Variants in ARVCF observed in about 807,000 individuals in gnomAD.
The protein encoded by ARVCF is splicing regulator ARVCF.
A neutral mutation model predicts 90.9 loss-of-function variants in ARVCF; 66 were observed. The ratio of observed to expected loss-of-function variants is 0.73; its 90% CI spans 0.60 to 0.89. ARVCF has a LOEUF of 0.89. Among genes scored for constraint, ARVCF ranks in the 40% least tolerant of loss-of-function variants. The probability of loss-of-function intolerance (pLI) is 0.00; values close to 1 mark genes in which losing one functional copy is unlikely to be tolerated. For synonymous variants in ARVCF, 653 were observed against 603.4 expected, an observed-to-expected ratio of 1.08 and a Z score of -1.21; for missense variants, 1,469 against 1,382.3, an observed-to-expected ratio of 1.06 and a Z score of -1.00.
chr22:19,975,507 C>T (rs1416062975), intron 11 of ARVCF, among the ~76,000 whole-genome samples, 179 bp downstream of exon 11: 21 of 152,230 alleles, frequency 1.4e-4, no homozygotes, highest in Non-Finnish European at 3.1e-4. Flanking sequence ...CCATTCTAAA[C>T]CCTCAGCAGG....
In ARVCF at chr22:19,979,200, G is replaced by T. The variant is rs983247246; in HGVS notation, c.1397-120C>A. 10 of 1,147,838 alleles carry T rather than the reference G, an allele frequency of 8.7e-6. No individual in the cohort carries two copies. The Admixed American group carries it at 2.6e-4, about 29-fold the overall frequency. The allele number at this position is 1,147,838 out of a possible 1,614,324, so 71.1% of individuals were successfully genotyped here. A position where few individuals can be genotyped will look rare whatever the true frequency, so the allele number is the denominator to read the frequency against. On this transcript the variant is annotated intron_variant, in intron 6 of 19. Coordinates refer to ENST00000263207, the MANE Select transcript of ARVCF (RefSeq NM_001670.3). ...TGTCCCAGCTCATGCAGAACAGTAG[G>T]AAGTAACAAAAGCCGTGAGTGGTTC...
At chr22:20,009,415 C>T (rs765305592) in intron 2 of ARVCF, among the ~76,000 whole-genome samples, 5 of 152,238 alleles carry the variant, frequency 3.3e-5, no homozygotes, top group Non-Finnish European at 7.3e-5. Flanking sequence ...CTCAGGCATC[C>T]GGAGGCCATG....
intron 7 of ARVCF, among the ~76,000 whole-genome samples, chr22:19,978,541 G>T (rs142363701): frequency 1.3e-5 from 2 of 152,160 alleles, no homozygotes; most frequent in African/African-American, 4.8e-5. Context: ...GCCTCCCAGG[G>T]GTAGGAGGGG....
At chr22:19,982,163 A>G in intron 3 of ARVCF, 72 bp from the exon 4 acceptor site, 1 of 1,568,790 alleles carries the variant, frequency 6.4e-7, no homozygotes, top group Non-Finnish European at 8.6e-7. Flanking sequence ...CTCCACACAC[A>G]GCAGCTCTGC....
chr22:19,989,144 C>T (rs949284888), intron 3 of ARVCF, among the ~76,000 whole-genome samples: 6 of 152,230 alleles, frequency 3.9e-5, no homozygotes, highest in Middle Eastern at 3.4e-3. Flanking sequence ...TCTGCTTCCC[C>T]GCCTCAAGTT....
At chr22:19,990,563 TC>T (rs1287790065) in intron 3 of ARVCF, 21 bp downstream of exon 3, 2 of 1,591,162 alleles carry the variant, frequency 1.3e-6, no homozygotes, top group Non-Finnish European at 8.6e-7. Flanking sequence ...TTTTCACCCT[TC>T]CCAAGTCACT....
At chr22:19,971,806 G>C in intron 18 of ARVCF, 80 bp downstream of exon 18, 1 of 1,489,182 alleles carries the variant, frequency 6.7e-7, no homozygotes, top group South Asian at 1.1e-5. Flanking sequence ...ACCAGACCCA[G>C]CATGGCCTAG....
intron 2 of ARVCF, among the ~76,000 whole-genome samples, chr22:20,003,585 T>C (rs1040933768): frequency 5.3e-5 from 8 of 152,152 alleles, no homozygotes; most frequent in African/African-American, 1.9e-4. Context: ...CAAAAATCAA[T>C]CAATGTAATA....
intron 2 of ARVCF, among the ~76,000 whole-genome samples, chr22:19,992,269 T>C (rs1335624689): frequency 6.6e-6 from 1 of 152,170 alleles, no homozygotes; most frequent in African/African-American, 2.4e-5. Context: ...AACACAACCT[T>C]TCGGGGAAGC....
intron 2 of ARVCF, among the ~76,000 whole-genome samples, chr22:19,994,637 A>G (rs1454923394): frequency 2.4e-5 from 1 of 41,754 alleles, no homozygotes; most frequent in Non-Finnish European, 4.2e-5. Flanking sequence ...GGGATGGTGG[A>G]GGATGAACAT....
At chr22:19,974,626 T>C (rs576273359) in intron 11 of ARVCF, among the ~76,000 whole-genome samples, 9 of 151,820 alleles carry the variant, frequency 5.9e-5, no homozygotes, top group South Asian at 2.1e-4. Flanking sequence ...AAGACCAGCA[T>C]TGGCCAGTAA....
chr22:19,975,334 C>G (rs1943091242), intron 11 of ARVCF, among the ~76,000 whole-genome samples: 1 of 152,214 alleles, frequency 6.6e-6, no homozygotes, highest in African/African-American at 2.4e-5. Context: ...TCCCAGCCCC[C>G]TCAGATAACT....
chr22:19,972,539 G>T, intron 16 of ARVCF, 128 bp from the exon 17 acceptor site: 1 of 1,281,870 alleles, frequency 7.8e-7, no homozygotes, highest in Non-Finnish European at 1.1e-6. Context: ...ACCTCTGCCA[G>T]CTGGCAGCCT....
downstream of ARVCF, among the ~76,000 whole-genome samples, chr22:19,966,308 G>T (rs901831652): frequency 2.0e-5 from 3 of 151,988 alleles, no homozygotes; most frequent in Non-Finnish European, 2.9e-5. Context: ...TCGGAGGCAC[G>T]AGGGGTGAGG....
intron 13 of ARVCF, 107 bp downstream of exon 13, chr22:19,973,536 C>T: frequency 6.7e-7 from 1 of 1,498,588 alleles, no homozygotes; most frequent in Non-Finnish European, 8.9e-7. Context: ...AGCGAGAGGG[C>T]CGGGGCCTGG....
chr22:19,987,388 C>A (rs1171460283), intron 3 of ARVCF, among the ~76,000 whole-genome samples: 2 of 147,312 alleles, frequency 1.4e-5, no homozygotes, highest in African/African-American at 5.0e-5. Context: ...CCACTTCCCA[C>A]CACCTCCCCC....
intron 5 of ARVCF, chr22:19,980,550 G>A: frequency 5.5e-6 from 2 of 363,986 alleles, no homozygotes; most frequent in Admixed American, 4.4e-5. Flanking sequence ...ACAAGTTTCT[G>A]TGAGACATCT....
intron 3 of ARVCF, among the ~76,000 whole-genome samples, chr22:19,988,672 C>T (rs1053346198): frequency 2.0e-5 from 3 of 152,236 alleles, no homozygotes; most frequent in Non-Finnish European, 4.4e-5. Context: ...TCCCAAAGCC[C>T]GGGCTCTGAC....
At chr22:19,993,427 G>T (rs959398619) in intron 2 of ARVCF, among the ~76,000 whole-genome samples, 6 of 152,236 alleles carry the variant, frequency 3.9e-5, no homozygotes, top group African/African-American at 2.4e-5. Context: ...TCTTAAGATC[G>T]ATGGGGCCTG....
Sources: gnomAD v4.1 joint callset for allele counts (sites outside exome capture counted in the v4.1 genomes callset) on GRCh38, gnomAD v4.1.1 for gene constraint, MANE v1.5 for transcripts, NCBI Gene and HGNC (gene_info 2026-07-23, HGNC 2026-07-21) for gene names.